Variants in ADAM32 observed in about 807,000 individuals in gnomAD.
ADAM32 encodes ADAM metallopeptidase domain 32, also known as disintegrin and metalloproteinase domain-containing protein 32.
In ADAM32, 89 loss-of-function variants were observed where a neutral mutation model predicts 114.9. The observed-to-expected ratio is 0.77, with a 90% confidence interval of 0.65 to 0.92. The LOEUF is 0.92. Ranked by LOEUF, ADAM32 falls within the 40% of genes least tolerant of loss-of-function variation. The probability of loss-of-function intolerance (pLI) is 0.00; values close to 1 mark genes in which losing one functional copy is unlikely to be tolerated. For missense variants in ADAM32, 870 were observed against 932.8 expected (o/e 0.93, Z 0.88); for synonymous variants, 285 against 307.5 (o/e 0.93, Z 0.77).
chr8:39,251,424 A>G (rs1486843084), intron 17 of ADAM32, among the ~76,000 whole-genome samples: 1 of 151,792 alleles, frequency 6.6e-6, no homozygotes, highest in East Asian at 1.9e-4. Flanking sequence ...GATTGAGATT[A>G]TATCTCATAA....
chr8:39,267,432 G>T (rs981908831), intron 19 of ADAM32, among the ~76,000 whole-genome samples: 1 of 151,876 alleles, frequency 6.6e-6, no homozygotes, highest in Admixed American at 6.6e-5. Context: ...CCTTTTTATT[G>T]CTGAGAACTA....
At chr8:39,281,729 T>C (rs1414970190) in intron 23 of ADAM32, among the ~76,000 whole-genome samples, 1 of 152,206 alleles carries the variant, frequency 6.6e-6, no homozygotes, top group Non-Finnish European at 1.5e-5. Context: ...ACCCCACAGT[T>C]GTGGCTTTGT....
At chr8:39,147,079 A>G in intron 3 of ADAM32, 51 bp from the exon 4 acceptor site, 1 of 734,336 alleles carries the variant, frequency 1.4e-6, no homozygotes, top group African/African-American at 1.8e-5. Context: ...CTATGTTTTT[A>G]TATGTTTCAA....
intron 22 of ADAM32, among the ~76,000 whole-genome samples, chr8:39,278,229 G>GCTGCCTCTCGTCT (rs1337298323): frequency 4.6e-4 from 70 of 152,242 alleles, no homozygotes; most frequent in African/African-American, 1.5e-3. Context: ...CTGACGTCCA[G>GCTGCCTCTCGTCT]CTGCCTCTCG....
intron 18 of ADAM32, among the ~76,000 whole-genome samples, chr8:39,256,085 G>C (rs1047101283): frequency 6.6e-6 from 1 of 151,838 alleles, no homozygotes; most frequent in Non-Finnish European, 1.5e-5. Context: ...ATTGGTCTCT[G>C]TGTCTATTTT....
intron 6 of ADAM32, chr8:39,158,821 C>T (rs945198934): frequency 6.6e-6 from 1 of 152,068 alleles, no homozygotes; most frequent in Non-Finnish European, 1.5e-5. Context: ...TTATTGAATC[C>T]TAGTGAATTT....
chr8:39,207,242 A>G (rs1005165930), intron 11 of ADAM32, among the ~76,000 whole-genome samples: 1 of 152,038 alleles, frequency 6.6e-6, no homozygotes, highest in Non-Finnish European at 1.5e-5. Flanking sequence ...CCTCTATTTA[A>G]TGCCTGGTTA....
At chr8:39,162,759 G>C (rs1462225516) in intron 7 of ADAM32, among the ~76,000 whole-genome samples, 3 of 152,104 alleles carry the variant, frequency 2.0e-5, no homozygotes, top group African/African-American at 7.2e-5. Context: ...CCAGTACTTT[G>C]GGAAGCTGAG....
intron 13 of ADAM32, among the ~76,000 whole-genome samples, chr8:39,222,292 A>G (rs1809024616): frequency 6.6e-6 from 1 of 151,986 alleles, no homozygotes. Flanking sequence ...ATAAGAGAAT[A>G]CCTCTGTTGA....
intron 2 of ADAM32, among the ~76,000 whole-genome samples, chr8:39,120,654 C>T (rs772451086): frequency 3.3e-5 from 5 of 150,054 alleles, no homozygotes; most frequent in South Asian, 2.1e-4. Flanking sequence ...CCCAGCTACT[C>T]GGGAGACTGA....
At chr8:39,131,646 G>T (rs1802462163) in intron 2 of ADAM32, among the ~76,000 whole-genome samples, 1 of 152,114 alleles carries the variant, frequency 6.6e-6, no homozygotes, top group African/African-American at 2.4e-5. Context: ...TTTGAGGCTT[G>T]GTATTTAATG....
chr8:39,173,406 A>G (rs997232811), intron 10 of ADAM32, among the ~76,000 whole-genome samples: 2 of 147,006 alleles, frequency 1.4e-5, no homozygotes, highest in Non-Finnish European at 3.0e-5. Flanking sequence ...TTTAATTTGC[A>G]TTTCTTTAAT....
chr8:39,178,327 C>CAAA (rs1564540043), intron 10 of ADAM32, among the ~76,000 whole-genome samples: 2 of 152,126 alleles, frequency 1.3e-5, no homozygotes, highest in Non-Finnish European at 2.9e-5. Flanking sequence ...CTTGTGATTG[C>CAAA]ATTGTGAATT....
chr8:39,275,737 A>G (rs1231478544), intron 21 of ADAM32, 91 bp from the exon 22 acceptor site: 50 of 1,233,170 alleles, frequency 4.1e-5, no homozygotes, highest in South Asian at 1.6e-4. Flanking sequence ...GAATTAACAC[A>G]GGTTGTAAAA....
At position 39,149,708 on chromosome 8, in the gene ADAM32, G is replaced by T. The variant is rs1394963880; in HGVS notation, c.277-83G>T. 3 of 940,462 alleles carry T rather than the reference G, an allele frequency of 3.2e-6. No homozygotes were observed. In the African/African-American group the frequency reaches 5.0e-5, roughly 16 times the overall value. 58.3% of individuals were successfully genotyped at this position (940,462 alleles called of 1,614,324 possible). On this transcript the variant is annotated intron_variant, in intron 4 of 24. Transcript: ENST00000379907. The stretch of plus-strand genomic sequence containing the variant: ...CGGAGCCTGTGAAAAATATTCAGAA[G>T]GTTCTATCAAGTATAGAAGTAGGAA...
intron 17 of ADAM32, among the ~76,000 whole-genome samples, chr8:39,250,895 T>C (rs1337396054): frequency 6.6e-6 from 1 of 152,002 alleles, no homozygotes; most frequent in Non-Finnish European, 1.5e-5. Context: ...TCCACTTTTT[T>C]AGCTTCCACA....
chr8:39,115,046 G>T (rs1054027137), intron 1 of ADAM32, among the ~76,000 whole-genome samples: 23 of 152,172 alleles, frequency 1.5e-4, no homozygotes, highest in Non-Finnish European at 3.2e-4. Flanking sequence ...CAAAGGACGT[G>T]ATTTCATTTT....
At chr8:39,220,053 G>C (rs982828562) in intron 12 of ADAM32, among the ~76,000 whole-genome samples, 2 of 152,152 alleles carry the variant, frequency 1.3e-5, no homozygotes, top group African/African-American at 4.8e-5. Context: ...GGGTATTAAA[G>C]TTCTCCACTA....
chr8:39,136,762 G>T (rs1802831941), intron 3 of ADAM32, 44 bp downstream of exon 3: 6 of 1,292,082 alleles, frequency 4.6e-6, no homozygotes. Flanking sequence ...TTATTTCTAT[G>T]AAGCTGTTTA....
Sources: allele counts gnomAD v4.1 joint callset (sites outside exome capture counted in the v4.1 genomes callset), GRCh38; gene constraint gnomAD v4.1.1; transcripts MANE v1.5; gene names NCBI Gene and HGNC (gene_info 2026-07-23, HGNC 2026-07-21).